The following SLC44A5 variants were observed in gnomAD, a reference collection of about 807,000 sequenced individuals.
SLC44A5 encodes the protein choline transporter-like protein 5.
A neutral mutation model predicts 101.8 loss-of-function variants in SLC44A5; 57 were observed. The observed-to-expected ratio is 0.56, with a 90% CI of 0.45 to 0.70. The LOEUF (loss-of-function observed/expected upper bound fraction) is 0.70, where lower values mean the gene tolerates loss of function less well. SLC44A5 is among the 30% of genes least tolerant of loss of function. The pLI is 0.00. For synonymous variants in SLC44A5, 281 were observed against 290.9 expected (o/e 0.97, Z 0.35); for missense variants, 737 against 853.1 (o/e 0.86, Z 1.70).
chr1:75,670,640 A>C, the SLC44A5 span, among the ~76,000 whole-genome samples: 1 of 152,230 alleles, frequency 6.6e-6, no homozygotes, highest in Non-Finnish European at 1.5e-5. Flanking sequence ...TGGGTAAACC[A>C]ATCTATATAT....
chr1:75,548,763 T>C (rs1429810382), intron 1 of SLC44A5, among the ~76,000 whole-genome samples: 1 of 152,096 alleles, frequency 6.6e-6, no homozygotes, highest in Non-Finnish European at 1.5e-5. Flanking sequence ...ACCTTGGTGG[T>C]CATATTCAGC....
At chr1:75,301,430 G>A (rs952350017) in intron 4 of SLC44A5, among the ~76,000 whole-genome samples, 1 of 152,150 alleles carries the variant, frequency 6.6e-6, no homozygotes, top group Admixed American at 6.5e-5. Flanking sequence ...TCAAAGGTAT[G>A]GCTTGAAAGT....
At chr1:75,455,429 C>T (rs1233027170) in intron 2 of SLC44A5, among the ~76,000 whole-genome samples, 1 of 151,920 alleles carries the variant, frequency 6.6e-6, no homozygotes, top group Non-Finnish European at 1.5e-5. Context: ...AAAATTCAGA[C>T]AAAACAATTC....
chr1:75,270,886 T>G (rs1044391314), intron 6 of SLC44A5, among the ~76,000 whole-genome samples: 1 of 152,184 alleles, frequency 6.6e-6, no homozygotes. Flanking sequence ...TTGACATAAG[T>G]GGATCATTGG....
At chr1:75,686,122 G>C in the SLC44A5 span, among the ~76,000 whole-genome samples, 501 of 152,204 alleles carry the variant, frequency 3.3e-3, 1 homozygote, top group Middle Eastern at 0.031. Flanking sequence ...CCTCTCACCA[G>C]GTCCCTCCCA....
rs773494444 is a variant in SLC44A5 at position 75,541,451 on chromosome 1, G to A, written c.-4C>T. On this transcript the variant is annotated 5_prime_UTR_variant, in exon 2 of 24. Coordinates refer to ENST00000370859, the MANE Select transcript of SLC44A5 (RefSeq NM_001130058.2). The stretch of plus-strand genomic sequence containing the variant: ...GGTGATTACCTGTGTCATTCATTGA[G>A]ATAAAAGGCTGTCTCTTCAGAAGTA... 9 of 1,611,138 alleles carry A rather than the reference G, an allele frequency of 5.6e-6. No individual in the cohort carries two copies. Among genetic ancestry groups the A allele is most frequent in the Non-Finnish European group, 7.6e-6 (9 of 1,178,020 alleles).
intron 2 of SLC44A5, among the ~76,000 whole-genome samples, chr1:75,443,435 G>C (rs750432270): frequency 2.0e-5 from 3 of 151,710 alleles, no homozygotes; most frequent in Non-Finnish European, 2.9e-5. Context: ...TACAAACATA[G>C]GAATGTTTAA....
chr1:75,376,135 A>G (rs1006942968), intron 3 of SLC44A5, among the ~76,000 whole-genome samples: 1 of 152,252 alleles, frequency 6.6e-6, no homozygotes, highest in Non-Finnish European at 1.5e-5. Flanking sequence ...CGACCGGCTT[A>G]AAAAACGGCG....
intron 3 of SLC44A5, among the ~76,000 whole-genome samples, chr1:75,353,189 C>G (rs928632685): frequency 3.3e-5 from 5 of 152,112 alleles, no homozygotes; most frequent in Non-Finnish European, 4.4e-5. Flanking sequence ...TTTTTCCAAA[C>G]AAGAAATCCA....
the SLC44A5 span, among the ~76,000 whole-genome samples, chr1:75,666,065 T>A: frequency 1.3e-5 from 2 of 152,116 alleles, no homozygotes; most frequent in South Asian, 2.1e-4. Context: ...AATTTGGAGA[T>A]TTCTCAAATA....
chr1:75,591,328 C>T (rs1041164950), intron 1 of SLC44A5, among the ~76,000 whole-genome samples: 1 of 151,896 alleles, frequency 6.6e-6, no homozygotes, highest in South Asian at 2.1e-4. Flanking sequence ...AAATGGCACG[C>T]GTAAGTTCTT....
At chr1:75,401,785 C>G (rs987199146) in intron 2 of SLC44A5, among the ~76,000 whole-genome samples, 11 of 152,014 alleles carry the variant, frequency 7.2e-5, no homozygotes, top group Non-Finnish European at 1.0e-4. Context: ...CACCTGTAAC[C>G]TTCTGTGTTC....
chr1:75,627,991 A>G, the SLC44A5 span, among the ~76,000 whole-genome samples: 1 of 150,952 alleles, frequency 6.6e-6, no homozygotes, highest in Non-Finnish European at 1.5e-5. Context: ...ATGATTTAAC[A>G]TAGGTCTTAC....
intron 23 of SLC44A5, among the ~76,000 whole-genome samples, chr1:75,207,856 C>T (rs750930415): frequency 3.3e-5 from 5 of 152,082 alleles, no homozygotes; most frequent in Non-Finnish European, 5.9e-5. Context: ...GACCTCAAAC[C>T]GTCAAGCTCT....
chr1:75,234,115 A>G lies in SLC44A5; in HGVS notation c.741-17T>C, dbSNP rs1045129449. The G allele has an allele frequency of 3.2e-6, 5 of 1,572,674 alleles. No individual in the cohort carries two copies. Among genetic ancestry groups the G allele is most frequent in the Non-Finnish European group, 4.4e-6 (5 of 1,142,652 alleles). ...GTCAGGCCACTAGAAAAAACCCACA[A>G]CAAACACAGTGGTCAAGTGTGCTAA... is the stretch of plus-strand genomic sequence containing the variant. On this transcript the variant is annotated splice_polypyrimidine_tract_variant and intron_variant, in intron 11 of 23. Coordinates refer to ENST00000370859, the MANE Select transcript of SLC44A5 (RefSeq NM_001130058.2).
chr1:75,307,159 C>T (rs545036429), intron 4 of SLC44A5, among the ~76,000 whole-genome samples: 16 of 152,128 alleles, frequency 1.1e-4, no homozygotes, highest in African/African-American at 3.9e-4. Context: ...ACAGATCATC[C>T]GTTTGTGCCT....
chr1:75,285,089 T>C (rs1016129064), intron 5 of SLC44A5, among the ~76,000 whole-genome samples: 2 of 152,118 alleles, frequency 1.3e-5, no homozygotes, highest in Non-Finnish European at 2.9e-5. Context: ...GTACAACTTT[T>C]TCTTTGAATG....
At chr1:75,477,586 C>T (rs559683401) in intron 2 of SLC44A5, among the ~76,000 whole-genome samples, 11 of 152,108 alleles carry the variant, frequency 7.2e-5, no homozygotes, top group South Asian at 4.2e-4. Flanking sequence ...AACCAAGGCT[C>T]GAGAACTACG....
chr1:75,238,630 T>C lies in SLC44A5; in HGVS notation c.539A>G (p.Gln180Arg). The part of the protein sequence containing the change: ...TAIFPSKPFL[Q>R]RCFPDFSTKN... ...GGTAGAGAAGTCAGGGAAACATCTC[T>C]GGAGAACTGTAAAAATAAATTAAAA... The change falls in exon 10 of 24, where the codon CAG (glutamine) becomes CGG (arginine). Residue 180 changes from glutamine to arginine, a missense_variant. This residue lies in a region of SLC44A5 where 665 missense variants were observed against 764.4 expected (regional missense o/e 0.87). Transcript: ENST00000370859. 2 of 1,554,356 alleles carry C rather than the reference T, an allele frequency of 1.3e-6. No individual in the cohort carries two copies. The highest frequency in any genetic ancestry group is 1.2e-5 in the South Asian group (1 of 83,828).
Sources: allele counts gnomAD v4.1 joint callset (sites outside exome capture counted in the v4.1 genomes callset), GRCh38; gene constraint gnomAD v4.1.1; regional missense constraint gnomAD v4.1.1; transcripts MANE v1.5; gene names NCBI Gene and HGNC (gene_info 2026-07-23, HGNC 2026-07-21).